ACVR1: variants seen among roughly 807,000 people sequenced by gnomAD.
ACVR1 encodes the protein activin A receptor type 1, also known as activin receptor type-1.
Under a neutral mutation model 57.1 loss-of-function variants are expected in ACVR1, and 38 were observed. The ratio of observed to expected loss-of-function variants is 0.67; its 90% CI spans 0.51 to 0.87. The LOEUF (loss-of-function observed/expected upper bound fraction) is 0.87, where lower values mean the gene tolerates loss of function less well. Ranked by LOEUF, ACVR1 falls within the 40% of genes least tolerant of loss-of-function variation. The pLI is 0.00. For synonymous variants in ACVR1, 212 were observed against 228.1 expected (o/e 0.93, Z 0.63); for missense variants, 463 against 638.2 (o/e 0.73, Z 2.96).
At chr2:157,813,299 A>G (rs951849579) in intron 2 of ACVR1, among the ~76,000 whole-genome samples, 1 of 152,248 alleles carries the variant, frequency 6.6e-6, no homozygotes, top group African/African-American at 2.4e-5. Flanking sequence ...ACCAAAATCT[A>G]TATGGGAATT....
chr2:157,804,887 A>G (rs970229660), intron 2 of ACVR1, among the ~76,000 whole-genome samples: 4 of 152,230 alleles, frequency 2.6e-5, no homozygotes, highest in Non-Finnish European at 5.9e-5. Context: ...GACTGTATGT[A>G]GTTAAGAAGC....
intron 3 of ACVR1, among the ~76,000 whole-genome samples, chr2:157,789,192 G>T (rs1574067151): frequency 6.6e-6 from 1 of 152,240 alleles, no homozygotes; most frequent in East Asian, 1.9e-4. Context: ...CCACAGAAAG[G>T]CTCCAGGTGC....
intron 9 of ACVR1, among the ~76,000 whole-genome samples, chr2:157,749,295 T>G (rs1210144614): frequency 6.6e-6 from 1 of 152,234 alleles, no homozygotes; most frequent in Non-Finnish European, 1.5e-5. Context: ...GAGAGCGCAC[T>G]GTGGGGGACA....
intron 1 of ACVR1, among the ~76,000 whole-genome samples, chr2:157,841,218 G>GA (rs11384594): frequency 0.078 from 11,869 of 151,360 alleles, 758 homozygotes; most frequent in African/African-American, 0.17. Flanking sequence ...TTGATGCTGA[G>GA]AAAAAAAAAC....
At chr2:157,790,027 A>G (rs1051033609) in intron 3 of ACVR1, 1 of 152,418 alleles carries the variant, frequency 6.6e-6, no homozygotes, top group Non-Finnish European at 1.5e-5. Flanking sequence ...CAGAAGCACC[A>G]AATGGAACTG....
intron 1 of ACVR1, among the ~76,000 whole-genome samples, chr2:157,822,509 T>G (rs1378714825): frequency 6.6e-6 from 1 of 152,228 alleles, no homozygotes; most frequent in Admixed American, 6.5e-5. Context: ...CCAGAATATA[T>G]TCTTCTTAAA....
At chr2:157,803,539 A>G (rs564771155) in intron 2 of ACVR1, among the ~76,000 whole-genome samples, 1 of 152,312 alleles carries the variant, frequency 6.6e-6, no homozygotes, top group Non-Finnish European at 1.5e-5. Flanking sequence ...ATACGCTAAA[A>G]TCTCAACCCG....
chr2:157,758,767 T>C (rs973827111), intron 9 of ACVR1, among the ~76,000 whole-genome samples: 1 of 151,844 alleles, frequency 6.6e-6, no homozygotes, highest in African/African-American at 2.4e-5. Context: ...CATCAGCACA[T>C]GAATAGACCA....
rs552370722 is a variant in ACVR1 at position 157,863,841 on chromosome 2, A to G, written c.-183+11955T>C. Among the ~76,000 whole-genome samples the G allele has an allele frequency of 6.7e-5, 10 of 149,622 alleles. No homozygotes were observed. The South Asian group carries it at 2.1e-3, about 32-fold the overall frequency. ...GTCTTTTAACTTGGAATCCAAATAC[A>G]TTGCTTAATGTTGCAGGAGCAAATT... On this transcript the variant is annotated intron_variant, in intron 1 of 10. Transcript: ENST00000434821.
intron 4 of ACVR1, among the ~76,000 whole-genome samples, chr2:157,778,996 CT>C (rs1686404127): frequency 6.6e-6 from 1 of 152,146 alleles, no homozygotes; most frequent in African/African-American, 2.4e-5. Flanking sequence ...GCTTAACTTC[CT>C]TTACGTATTT....
intron 5 of ACVR1, 97 bp downstream of exon 5, chr2:157,778,034 A>T: frequency 7.9e-7 from 1 of 1,258,914 alleles, no homozygotes; most frequent in Admixed American, 1.8e-5. Context: ...TACACTGTTC[A>T]GTCACTCATT....
At chr2:157,815,297 G>T (rs1289243237) in intron 2 of ACVR1, among the ~76,000 whole-genome samples, 1 of 152,100 alleles carries the variant, frequency 6.6e-6, no homozygotes, top group African/African-American at 2.4e-5. Context: ...TAATACAGTG[G>T]CTGTTTCTAG....
intron 9 of ACVR1, among the ~76,000 whole-genome samples, chr2:157,744,046 G>C (rs1191653980): frequency 6.6e-6 from 1 of 152,166 alleles, no homozygotes; most frequent in East Asian, 1.9e-4. Flanking sequence ...TTATATTCTA[G>C]AATTCTCCCT....
chr2:157,817,005 T>C (rs1411653425), intron 2 of ACVR1, among the ~76,000 whole-genome samples: 11 of 152,024 alleles, frequency 7.2e-5, no homozygotes, highest in Admixed American at 2.6e-4. Flanking sequence ...TGTTGCCCAG[T>C]CTGGGCTGCA....
chr2:157,765,813 T>G (rs1685841366), intron 8 of ACVR1, 108 bp downstream of exon 8: 3 of 1,144,572 alleles, frequency 2.6e-6, no homozygotes, highest in Non-Finnish European at 1.3e-6. Context: ...TCAACTTTTC[T>G]GCATGTTTGA....
chr2:157,861,633 T>C (rs965106141), intron 1 of ACVR1, among the ~76,000 whole-genome samples: 3 of 152,252 alleles, frequency 2.0e-5, no homozygotes, highest in Admixed American at 6.5e-5. Context: ...ATTTCACCTC[T>C]AAATCTGTGT....
chr2:157,736,666 A>T lies in ACVR1; in HGVS notation c.*865T>A. 1 of 322,264 alleles carries T rather than the reference A, an allele frequency of 3.1e-6. No individual in the cohort carries two copies. Among genetic ancestry groups the T allele is most frequent in the Non-Finnish European group, 5.7e-6 (1 of 174,794 alleles). The allele number at this position is 322,264 out of a possible 1,614,324, so 20.0% of individuals were successfully genotyped here. ...CGGTGGTGTCACGTGGGTAATGGCT[A>T]AATACGTTCTGCATATGAACTGAAA... is the stretch of plus-strand genomic sequence containing the variant. On this transcript the variant is annotated 3_prime_UTR_variant, in exon 11 of 11. Transcript: ENST00000434821.
At chr2:157,854,219 A>C (rs996566940) in intron 1 of ACVR1, among the ~76,000 whole-genome samples, 88 of 150,672 alleles carry the variant, frequency 5.8e-4, no homozygotes, top group African/African-American at 1.8e-3. Flanking sequence ...AAAAAAAAAG[A>C]AGCATTTTTT....
intron 1 of ACVR1, among the ~76,000 whole-genome samples, chr2:157,847,481 C>T (rs1689160557): frequency 6.6e-6 from 1 of 152,114 alleles, no homozygotes; most frequent in Admixed American, 6.5e-5. Context: ...TAAAATACAA[C>T]ATCAGAAACG....
Sources: allele counts gnomAD v4.1 joint callset (sites outside exome capture counted in the v4.1 genomes callset), GRCh38; gene constraint gnomAD v4.1.1; transcripts MANE v1.5; gene names NCBI Gene and HGNC (gene_info 2026-07-23, HGNC 2026-07-21).